Variants in FBP1 observed in about 807,000 individuals in gnomAD.
The protein encoded by FBP1 is fructose-1,6-bisphosphatase 1.
Under a neutral mutation model 29.9 loss-of-function variants are expected in FBP1, and 22 were observed. That is an observed-to-expected ratio of 0.74 (90% CI 0.53 to 1.05). The LOEUF (loss-of-function observed/expected upper bound fraction) is 1.05, where lower values mean the gene tolerates loss of function less well. Among genes scored for constraint, FBP1 ranks in the 50% least tolerant of loss-of-function variants. FBP1 has a pLI of 0.00. For synonymous variants in FBP1, 175 were observed against 178.6 expected, an observed-to-expected ratio of 0.98 and a Z score of 0.16; for missense variants, 345 against 448.2, an observed-to-expected ratio of 0.77 and a Z score of 2.08.
chr9:94,608,433 A>C (rs1827733214), intron 4 of FBP1, among the ~76,000 whole-genome samples: 2 of 152,202 alleles, frequency 1.3e-5, no homozygotes. Context: ...TCTGGAAACA[A>C]GAAGGGATTG....
Position 94,604,486 on chromosome 9 carries a change from T to TA in FBP1, c.826-915dup, listed in dbSNP as rs5899226. 9.8e-4 allele frequency among the ~76,000 whole-genome samples: 141 copies of TA among 143,244 alleles called. 1 individual carries two copies. The highest frequency in any genetic ancestry group is 1.6e-3 in the East Asian group (8 of 4,862). 94.0% of individuals were successfully genotyped at this position (143,244 alleles called of 152,430 possible). On this transcript the variant is annotated intron_variant, in intron 6 of 6. Transcript: ENST00000375326. The stretch of plus-strand genomic sequence containing the variant: ...TGTTGTTCCTGTTCTCCTCTTGCAT[T>TA]AAAAAAAAAAAAGGCAGCCACGCGT...
intron 1 of FBP1, among the ~76,000 whole-genome samples, chr9:94,638,422 C>A (rs1828227792): frequency 6.6e-6 from 1 of 152,234 alleles, no homozygotes; most frequent in Admixed American, 6.5e-5. Flanking sequence ...CTACAAACCA[C>A]TTTTGAGCTT....
At chr9:94,605,255 G>C (rs538565895) in intron 6 of FBP1, among the ~76,000 whole-genome samples, 1 of 152,178 alleles carries the variant, frequency 6.6e-6, no homozygotes, top group Non-Finnish European at 1.5e-5. Flanking sequence ...CATAGCACTG[G>C]AAGGGCTCTC....
chr9:94,615,696 A>T (rs533289920), intron 3 of FBP1, among the ~76,000 whole-genome samples: 1 of 152,368 alleles, frequency 6.6e-6, no homozygotes, highest in African/African-American at 2.4e-5. Context: ...CAAGATAAAA[A>T]GCAAAATACG....
chr9:94,638,111 AAAAG>A (rs1828222666), intron 1 of FBP1, among the ~76,000 whole-genome samples: 1 of 140,104 alleles, frequency 7.1e-6, no homozygotes, highest in Non-Finnish European at 1.6e-5. Context: ...AAAGAAAAGA[AAAAG>A]AAAATACCTG....
At chr9:94,638,086 CAAAAAAAAA>C (rs11308338) in intron 1 of FBP1, among the ~76,000 whole-genome samples, 4 of 110,220 alleles carry the variant, frequency 3.6e-5, no homozygotes, top group Admixed American at 9.2e-5. Context: ...AATTCCATCT[CAAAAAAAAA>C]AAAAAAAAGA....
At chr9:94,621,493 C>CA (rs1827950609) in intron 1 of FBP1, among the ~76,000 whole-genome samples, 1 of 152,116 alleles carries the variant, frequency 6.6e-6, no homozygotes, top group Non-Finnish European at 1.5e-5. Context: ...GAGATACTAT[C>CA]ATCTGCCTCT....
At chr9:94,617,003 G>A (rs1223297643) in intron 3 of FBP1, among the ~76,000 whole-genome samples, 1 of 152,040 alleles carries the variant, frequency 6.6e-6, no homozygotes, top group Non-Finnish European at 1.5e-5. Context: ...CAGGTGTTAG[G>A]AGACCCGAGC....
intron 1 of FBP1, among the ~76,000 whole-genome samples, chr9:94,635,544 C>A (rs1828179359): frequency 6.6e-6 from 1 of 152,224 alleles, no homozygotes; most frequent in South Asian, 2.1e-4. Flanking sequence ...CTAACAAGAT[C>A]TTTGCAGGAA....
intron 2 of FBP1, among the ~76,000 whole-genome samples, chr9:94,619,131 T>C (rs1563983705): frequency 1.3e-5 from 2 of 152,082 alleles, no homozygotes; most frequent in Non-Finnish European, 2.9e-5. Context: ...GCGTGAGTGA[T>C]GGAGAATATT....
chr9:94,638,530 G>C (rs28382864), intron 1 of FBP1, among the ~76,000 whole-genome samples: 1,709 of 152,118 alleles, frequency 0.011, 39 homozygotes, highest in African/African-American at 0.039. Context: ...CATGGCAACT[G>C]TCCCAGCAAG....
At chr9:94,608,075 G>A (rs1017429161) in intron 4 of FBP1, among the ~76,000 whole-genome samples, 3 of 152,166 alleles carry the variant, frequency 2.0e-5, no homozygotes, top group African/African-American at 4.8e-5. Context: ...CAGTTGCTGG[G>A]TGCAGAGCGC....
upstream of FBP1, chr9:94,639,652 G>T: frequency 2.3e-6 from 1 of 444,070 alleles, no homozygotes; most frequent in Non-Finnish European, 4.1e-6. Flanking sequence ...AGACAAGGTC[G>T]GGGATCCTCC....
At chr9:94,632,449 G>A (rs1310070129) in intron 1 of FBP1, among the ~76,000 whole-genome samples, 2 of 152,142 alleles carry the variant, frequency 1.3e-5, no homozygotes, top group African/African-American at 2.4e-5. Flanking sequence ...GCGGGTGGAT[G>A]ACGAAGTGAG....
chr9:94,608,528 A>T (rs2131474971), intron 4 of FBP1, among the ~76,000 whole-genome samples: 1 of 152,340 alleles, frequency 6.6e-6, no homozygotes, highest in South Asian at 2.1e-4. Flanking sequence ...GGCAAATCAC[A>T]GTCAGCAAAC....
chr9:94,611,940 A>C (rs1827792217), intron 3 of FBP1, among the ~76,000 whole-genome samples: 1 of 152,054 alleles, frequency 6.6e-6, no homozygotes, highest in South Asian at 2.1e-4. Flanking sequence ...ACAAACCAGA[A>C]AACCACAAAC....
chr9:94,639,392 A>G lies in FBP1; in HGVS notation c.-82T>C, dbSNP rs1369941106. 8.8e-6 allele frequency: 13 copies of G among 1,483,492 alleles called. No homozygotes were observed. The East Asian group carries it at 3.2e-4, about 36-fold the overall frequency. 91.9% of individuals were successfully genotyped at this position (1,483,492 alleles called of 1,614,324 possible). Reference sequence around the variant, plus strand: ...GGTGCGGGCGGCAAGAGAGGGCAGTAGGCACTGGCCGCAGGTGCGGAGCTG... The same window carrying G: ...GGTGCGGGCGGCAAGAGAGGGCAGTGGGCACTGGCCGCAGGTGCGGAGCTG... On this transcript the variant is annotated 5_prime_UTR_variant, in exon 1 of 7. Transcript: ENST00000375326.
At chr9:94,625,646 T>C (rs1376849474) in intron 1 of FBP1, among the ~76,000 whole-genome samples, 2 of 152,256 alleles carry the variant, frequency 1.3e-5, no homozygotes, top group East Asian at 3.9e-4. Flanking sequence ...ATACAAAAAA[T>C]TAGCCGGGGA....
At chr9:94,637,305 C>A (rs4744362) in intron 1 of FBP1, among the ~76,000 whole-genome samples, 1 of 151,760 alleles carries the variant, frequency 6.6e-6, no homozygotes, top group African/African-American at 2.4e-5. Flanking sequence ...TTGCAGGATG[C>A]GGGGCGGAGA....
Sources: allele counts gnomAD v4.1 joint callset (sites outside exome capture counted in the v4.1 genomes callset), GRCh38; gene constraint gnomAD v4.1.1; transcripts MANE v1.5; gene names NCBI Gene and HGNC (gene_info 2026-07-23, HGNC 2026-07-21).